Variants in MKX observed in about 807,000 individuals in gnomAD.
The protein encoded by MKX is mohawk homeobox.
In MKX, 13 loss-of-function variants were observed where a neutral mutation model predicts 36.0. That is an observed-to-expected ratio of 0.36 (90% confidence interval 0.24 to 0.57). MKX has a LOEUF of 0.57. Ranked by LOEUF, MKX falls within the 20% of genes least tolerant of loss-of-function variation. MKX has a pLI of 0.79. For missense variants in MKX, 458 were observed against 456.4 expected (o/e 1.00, Z -0.03); for synonymous variants, 176 against 178.3 (o/e 0.99, Z 0.10).
chr10:27,697,224 C>T (rs1009249018), intron 5 of MKX, among the ~76,000 whole-genome samples: 2 of 152,146 alleles, frequency 1.3e-5, no homozygotes, highest in Admixed American at 1.3e-4. Context: ...GGATGCCTGG[C>T]ACTTAGATAG....
intron 5 of MKX, among the ~76,000 whole-genome samples, chr10:27,716,238 A>G (rs1056406208): frequency 6.6e-6 from 1 of 152,094 alleles, no homozygotes; most frequent in African/African-American, 2.4e-5. Flanking sequence ...AGCAGCCATT[A>G]TTATGTGTGA....
intron 3 of MKX, among the ~76,000 whole-genome samples, chr10:27,740,259 C>T (rs548796979): frequency 1.0e-3 from 156 of 152,234 alleles, no homozygotes; most frequent in African/African-American, 3.6e-3. Context: ...TTTTGGAGTT[C>T]CTGCTTACTG....
chr10:27,738,615 T>C (rs1424491487), intron 3 of MKX, among the ~76,000 whole-genome samples: 2 of 152,066 alleles, frequency 1.3e-5, no homozygotes, highest in Admixed American at 1.3e-4. Flanking sequence ...TTATGATTTA[T>C]ATCAGTATCT....
intron 5 of MKX, among the ~76,000 whole-genome samples, chr10:27,683,162 T>C (rs1046428692): frequency 5.9e-5 from 9 of 152,296 alleles, no homozygotes; most frequent in African/African-American, 2.2e-4. Flanking sequence ...AAGCTGCTTA[T>C]CTCCTGCTAT....
intron 5 of MKX, among the ~76,000 whole-genome samples, chr10:27,704,338 C>G (rs1836713377): frequency 6.6e-6 from 1 of 151,592 alleles, no homozygotes; most frequent in Non-Finnish European, 1.5e-5. Context: ...ACAAGTTGTC[C>G]CTAAAGTTAA....
Position 27,743,421 on chromosome 10 carries a change from C to T in MKX, c.-6G>A. The T allele has an allele frequency of 6.5e-7, 1 of 1,542,440 alleles. No homozygotes were observed. Among genetic ancestry groups the T allele is most frequent in the Non-Finnish European group, 8.7e-7 (1 of 1,147,834 alleles). ...TTGAAGACGATGGTGTTCATGGTGT[C>T]GGTTGGTAGGGACGCGCGGCGCGGC... On this transcript the variant is annotated 5_prime_UTR_variant, in exon 2 of 7. Coordinates refer to ENST00000419761, the MANE Select transcript of MKX (RefSeq NM_173576.3).
rs749790027 is a variant in MKX at position 27,743,408 on chromosome 10, G to C, written c.8C>G (p.Thr3Ser). The change falls in exon 2 of 7, where the codon ACC becomes AGC. Residue 3 changes from threonine (T) to serine (S), a missense_variant. This residue lies in a region of MKX where 149 missense variants were observed against 114.3 expected (regional missense o/e 1.30). Coordinates refer to ENST00000419761, the MANE Select transcript of MKX (RefSeq NM_173576.3). MN[T>S]IVFNKLSGAV... is the part of the protein sequence containing the mutation. ...ACCGCTGAGCTTGTTGAAGACGATG[G>C]TGTTCATGGTGTCGGTTGGTAGGGA... is the stretch of plus-strand genomic sequence containing the variant. The C allele has an allele frequency of 6.4e-7, 1 of 1,553,758 alleles. No individual in the cohort carries two copies. The highest frequency in any genetic ancestry group is 1.2e-5 in the South Asian group (1 of 82,514).
chr10:27,673,960 C>T lies in MKX; in HGVS notation c.*1269G>A, dbSNP rs546977579. 6 of 151,894 alleles carry T rather than the reference C, an allele frequency of 4.0e-5. No individual in the cohort carries two copies. In the East Asian group the frequency reaches 1.2e-3, roughly 29 times the overall value. 9.4% of individuals were successfully genotyped at this position (151,894 alleles called of 1,614,324 possible). ...CTTTTTACTTCTCTGTAGCACATAC[C>T]CTCTGTTATATTTGGCATTTCCACT... On this transcript the variant is annotated 3_prime_UTR_variant, in exon 7 of 7. Transcript: ENST00000419761.
chr10:27,740,217 A>G (rs934339027), intron 3 of MKX, among the ~76,000 whole-genome samples: 2 of 152,196 alleles, frequency 1.3e-5, no homozygotes, highest in Admixed American at 6.5e-5. Flanking sequence ...CTGGAAAGCA[A>G]TCTTTATTTT....
intron 5 of MKX, among the ~76,000 whole-genome samples, chr10:27,716,841 T>C (rs936242437): frequency 6.6e-6 from 1 of 152,138 alleles, no homozygotes; most frequent in African/African-American, 2.4e-5. Flanking sequence ...ATTACATCTG[T>C]GAATATGTTA....
Position 27,675,114 on chromosome 10 carries a change from A to G in MKX, c.*115T>C. The G allele has an allele frequency of 1.1e-6, 1 of 930,966 alleles. No individual in the cohort carries two copies. Among genetic ancestry groups the G allele is most frequent in the Non-Finnish European group, 1.6e-6 (1 of 631,864 alleles). 57.7% of individuals were successfully genotyped at this position (930,966 alleles called of 1,614,324 possible). On this transcript the variant is annotated 3_prime_UTR_variant, in exon 7 of 7. Coordinates refer to ENST00000419761, the MANE Select transcript of MKX (RefSeq NM_173576.3). ...ACTAAATGATATATTTGGGATAATT[A>G]AAAATAAGAAGAGGTTTGGGAGAGA...
intron 5 of MKX, among the ~76,000 whole-genome samples, chr10:27,725,250 C>G (rs1234810476): frequency 6.6e-6 from 1 of 152,160 alleles, no homozygotes; most frequent in African/African-American, 2.4e-5. Flanking sequence ...ACAAAAATCC[C>G]TGTCTATTTA....
chr10:27,740,389 T>C (rs1198419486), intron 3 of MKX, among the ~76,000 whole-genome samples: 2 of 152,148 alleles, frequency 1.3e-5, no homozygotes, highest in Non-Finnish European at 2.9e-5. Flanking sequence ...TATTTGCATG[T>C]AAAAAAGTTC....
intron 5 of MKX, among the ~76,000 whole-genome samples, chr10:27,682,416 T>G (rs181289116): frequency 1.3e-5 from 2 of 152,330 alleles, no homozygotes; most frequent in African/African-American, 4.8e-5. Context: ...TCTACAGTAA[T>G]GTAGAGTAAT....
intron 5 of MKX, among the ~76,000 whole-genome samples, chr10:27,729,232 A>C (rs1484378824): frequency 1.3e-5 from 2 of 151,902 alleles, no homozygotes; most frequent in African/African-American, 2.4e-5. Flanking sequence ...GGATAAATTT[A>C]TAAAGTATAT....
At chr10:27,693,401 G>C (rs1212533674) in intron 5 of MKX, among the ~76,000 whole-genome samples, 2 of 152,114 alleles carry the variant, frequency 1.3e-5, no homozygotes, top group African/African-American at 4.8e-5. Context: ...ATGAATCAAA[G>C]AAACTATAAA....
intron 5 of MKX, among the ~76,000 whole-genome samples, chr10:27,694,043 T>C (rs1454155816): frequency 1.3e-5 from 2 of 152,178 alleles, no homozygotes; most frequent in Non-Finnish European, 2.9e-5. Context: ...CATGAAAATG[T>C]GCCTTTTGCC....
At chr10:27,730,431 A>C (rs1425869737) in intron 5 of MKX, among the ~76,000 whole-genome samples, 1 of 150,010 alleles carries the variant, frequency 6.7e-6, no homozygotes, top group Non-Finnish European at 1.5e-5. Context: ...GTGATACATT[A>C]TCCTTTCTCA....
intron 3 of MKX, among the ~76,000 whole-genome samples, chr10:27,736,126 T>C (rs1834768776): frequency 6.6e-6 from 1 of 151,844 alleles, no homozygotes; most frequent in Non-Finnish European, 1.5e-5. Flanking sequence ...GGCACAGAGG[T>C]AATAGTCAAA....
Sources: gnomAD v4.1 joint callset for allele counts (sites outside exome capture counted in the v4.1 genomes callset) on GRCh38, gnomAD v4.1.1 for gene constraint, gnomAD v4.1.1 regional missense constraint, MANE v1.5 for transcripts, NCBI Gene and HGNC (gene_info 2026-07-23, HGNC 2026-07-21) for gene names.